NRP1: variants seen among roughly 807,000 people sequenced by gnomAD.
NRP1 encodes the protein neuropilin-1.
In NRP1, 35 loss-of-function variants were observed where a neutral mutation model predicts 106.7. The observed-to-expected ratio is 0.33, with a 90% CI of 0.25 to 0.43. NRP1 has a LOEUF of 0.43. Among genes scored for constraint, NRP1 ranks in the 20% least tolerant of loss-of-function variants. The pLI is 1.00. For missense variants in NRP1, 1,024 were observed against 1,170.4 expected (o/e 0.87, Z 1.83); for synonymous variants, 437 against 417.9 (o/e 1.05, Z -0.56).
chr10:33,301,208 T>C (rs1845777804), intron 2 of NRP1, among the ~76,000 whole-genome samples: 1 of 152,190 alleles, frequency 6.6e-6, no homozygotes, highest in South Asian at 2.1e-4. Context: ...TGGGGAGAAC[T>C]GAATGTCGAG....
intron 6 of NRP1, among the ~76,000 whole-genome samples, chr10:33,227,254 A>G (rs1342925515): frequency 1.3e-5 from 2 of 152,190 alleles, no homozygotes; most frequent in South Asian, 2.1e-4. Context: ...AACTCACACA[A>G]TGGATAATGG....
chr10:33,213,649 T>G lies in NRP1; in HGVS notation c.1351A>C (p.Asn451His). Residue 451 changes from asparagine (N) to histidine (H), a missense_variant, in exon 9 of 17, where the codon AAC becomes CAC. Asn to His is a moderately conservative substitution (Grantham distance 68). This residue lies in a region of NRP1 where 562 missense variants were observed against 620.3 expected (regional missense o/e 0.91). Coordinates refer to ENST00000374867, the MANE Select transcript of NRP1 (RefSeq NM_003873.7). Reference sequence around the variant, plus strand: ...GGCATCCAGTTTCTGTCCCCTTGGTTGGATGATGTGATCTGGGAGTCAGAA... The same window carrying G: ...GGCATCCAGTTTCTGTCCCCTTGGTGGGATGATGTGATCTGGGAGTCAGAA... ...LISDSQITSS[N>H]QGDRNWMPEN... 1 of 1,614,038 alleles carries G rather than the reference T, an allele frequency of 6.2e-7. No homozygotes were observed. The highest frequency in any genetic ancestry group is 1.1e-5 in the South Asian group (1 of 91,044).
chr10:33,206,264 A>T, intron 10 of NRP1: 2 of 519,060 alleles, frequency 3.9e-6, no homozygotes, highest in Non-Finnish European at 7.7e-6. Flanking sequence ...ACGCATCTGC[A>T]GTGAGTGGAG....
chr10:33,227,565 T>C (rs555281785), intron 6 of NRP1, among the ~76,000 whole-genome samples: 1 of 152,250 alleles, frequency 6.6e-6, no homozygotes, highest in East Asian at 1.9e-4. Flanking sequence ...GAGACTGATG[T>C]CTCTAGGAAA....
At chr10:33,207,209 G>T (rs1224254512) in intron 10 of NRP1, among the ~76,000 whole-genome samples, 1 of 152,192 alleles carries the variant, frequency 6.6e-6, no homozygotes, top group Admixed American at 6.5e-5. Flanking sequence ...ACTAGAAAGA[G>T]GGTAGTTGGT....
At position 33,263,725 on chromosome 10, in the gene NRP1, G is replaced by A. The variant is rs1415820731; in HGVS notation, c.579C>T (p.Asp193=). 1.9e-6 allele frequency: 3 copies of A among 1,613,966 alleles called. No homozygotes were observed. The highest frequency in any genetic ancestry group is 1.3e-5 in the African/African-American group (1 of 74,890). Residue 193 remains aspartate (D), a synonymous_variant, in exon 4 of 17, where the codon GAC becomes GAT. Transcript: ENST00000374867. ...SEIILEFESF[D]LEPDSNPPGG... is the part of the protein sequence containing the mutation. ...CTGGAGGATTTGAGTCAGGCTCCAG[G>A]TCAAAGCTTTCAAATTCCAGGATAA...
At chr10:33,259,379 C>T (rs1842422616) in intron 4 of NRP1, among the ~76,000 whole-genome samples, 1 of 152,168 alleles carries the variant, frequency 6.6e-6, no homozygotes, top group Non-Finnish European at 1.5e-5. Flanking sequence ...TCCTGAACAA[C>T]AGCGAGACCT....
intron 5 of NRP1, among the ~76,000 whole-genome samples, chr10:33,256,045 A>G (rs981656614): frequency 4.6e-5 from 7 of 152,102 alleles, no homozygotes; most frequent in African/African-American, 1.7e-4. Flanking sequence ...GTCACATTTC[A>G]TTGTTTCAAG....
At chr10:33,195,382 A>G (rs543411338) in intron 12 of NRP1, 1 of 386,434 alleles carries the variant, frequency 2.6e-6, no homozygotes, top group East Asian at 7.2e-5. Context: ...GCAGAGCATT[A>G]ACCAGCTTTT....
chr10:33,276,242 G>T (rs1843686423), intron 2 of NRP1, among the ~76,000 whole-genome samples: 1 of 152,106 alleles, frequency 6.6e-6, no homozygotes, highest in South Asian at 2.1e-4. Context: ...ATACCTGTTT[G>T]CCTTATTTTC....
intron 1 of NRP1, among the ~76,000 whole-genome samples, chr10:33,333,957 A>G (rs1848452403): frequency 6.6e-6 from 1 of 152,134 alleles, no homozygotes; most frequent in Non-Finnish European, 1.5e-5. Flanking sequence ...TTAACTTTCA[A>G]CAGCCATCAG....
chr10:33,264,891 C>T (rs1161506923), intron 3 of NRP1, among the ~76,000 whole-genome samples: 1 of 152,062 alleles, frequency 6.6e-6, no homozygotes, highest in African/African-American at 2.4e-5. Flanking sequence ...GGCGGATCAC[C>T]TGAGGTCAGG....
chr10:33,196,462 G>A (rs1208094806), intron 12 of NRP1, among the ~76,000 whole-genome samples: 1 of 152,160 alleles, frequency 6.6e-6, no homozygotes, highest in Non-Finnish European at 1.5e-5. Context: ...GGAAAGGCAC[G>A]GCTTTTTTCA....
At chr10:33,293,584 C>T (rs1845159350) in intron 2 of NRP1, among the ~76,000 whole-genome samples, 1 of 152,182 alleles carries the variant, frequency 6.6e-6, no homozygotes, top group African/African-American at 2.4e-5. Context: ...ACACGACCAA[C>T]CGTCCACAGC....
At chr10:33,220,799 G>A (rs1311844442) in intron 8 of NRP1, among the ~76,000 whole-genome samples, 2 of 150,360 alleles carry the variant, frequency 1.3e-5, no homozygotes, top group South Asian at 2.1e-4. Context: ...TACTCAGGAG[G>A]CTGAAGCAGG....
At chr10:33,246,377 C>T (rs892893568) in intron 6 of NRP1, among the ~76,000 whole-genome samples, 2 of 152,114 alleles carry the variant, frequency 1.3e-5, no homozygotes, top group South Asian at 2.1e-4. Flanking sequence ...AACAGACTTC[C>T]TGGGTGGAAA....
chr10:33,273,543 G>GAT (rs1462631561), intron 2 of NRP1, among the ~76,000 whole-genome samples: 1 of 152,124 alleles, frequency 6.6e-6, no homozygotes, highest in East Asian at 1.9e-4. Flanking sequence ...TGCAAATTTC[G>GAT]ATCCCGAAGC....
chr10:33,230,808 G>A (rs1261343703), intron 6 of NRP1, among the ~76,000 whole-genome samples: 1 of 152,152 alleles, frequency 6.6e-6, no homozygotes, highest in East Asian at 1.9e-4. Flanking sequence ...TTCTGTGCAT[G>A]TAAAATTTAA....
At chr10:33,316,076 A>G (rs1847012677) in intron 2 of NRP1, among the ~76,000 whole-genome samples, 1 of 152,210 alleles carries the variant, frequency 6.6e-6, no homozygotes, top group South Asian at 2.1e-4. Flanking sequence ...GGGAAAGCCA[A>G]GAAGCACAGA....
Sources: allele counts gnomAD v4.1 joint callset (sites outside exome capture counted in the v4.1 genomes callset), GRCh38; gene constraint gnomAD v4.1.1; regional missense constraint gnomAD v4.1.1; transcripts MANE v1.5; gene names NCBI Gene and HGNC (gene_info 2026-07-23, HGNC 2026-07-21).